The following CAPRIN2 variants were observed in gnomAD, a reference collection of about 807,000 sequenced individuals.
The protein encoded by CAPRIN2 is caprin family member 2, also known as caprin-2.
In CAPRIN2, 66 loss-of-function variants were observed where a neutral mutation model predicts 130.4. The ratio of observed to expected loss-of-function variants is 0.51; its 90% CI spans 0.42 to 0.62. The LOEUF (loss-of-function observed/expected upper bound fraction) is 0.62, where lower values mean the gene tolerates loss of function less well. Ranked by LOEUF, CAPRIN2 falls within the 20% of genes least tolerant of loss-of-function variation. CAPRIN2 has a pLI of 0.00. For missense variants in CAPRIN2, 1,185 were observed against 1,246.6 expected (o/e 0.95, Z 0.74); for synonymous variants, 471 against 444.1 (o/e 1.06, Z -0.76).
intron 12 of CAPRIN2, chr12:30,719,081 T>C: frequency 6.2e-7 from 1 of 1,613,292 alleles, no homozygotes; most frequent in African/African-American, 1.3e-5. Flanking sequence ...ATACTCACTG[T>C]CTGCATGGCT....
Position 30,710,861 on chromosome 12 carries a change from T to C in CAPRIN2, c.2666-391A>G, listed in dbSNP as rs979330790. 1.3e-5 allele frequency among the ~76,000 whole-genome samples: 2 copies of C among 152,170 alleles called. No individual in the cohort carries two copies. Among genetic ancestry groups the C allele is most frequent in the Non-Finnish European group, 2.9e-5 (2 of 68,018 alleles). Reference sequence around the variant, plus strand: ...TAGAAGGTCTCAAGAAAATGGAGACTACATAAAAGAACCAATTTTTAGAAC... The same window carrying C: ...TAGAAGGTCTCAAGAAAATGGAGACCACATAAAAGAACCAATTTTTAGAAC... On this transcript the variant is annotated intron_variant, in intron 16 of 16. Coordinates refer to ENST00000298892, the Ensembl canonical transcript of CAPRIN2. The surrounding 1 kb of genome is among the most constrained non-coding windows in gnomAD (Gnocchi z 4.8).
chr12:30,740,287 T>A (rs2066831048), intron 3 of CAPRIN2, among the ~76,000 whole-genome samples: 2 of 150,922 alleles, frequency 1.3e-5, no homozygotes, highest in African/African-American at 4.9e-5. Flanking sequence ...AATAAAAAAA[T>A]ATAAATTTTT....
intron 1 of CAPRIN2, among the ~76,000 whole-genome samples, chr12:30,752,110 C>A (rs776143812): frequency 2.5e-4 from 38 of 151,626 alleles, no homozygotes; most frequent in Non-Finnish European, 3.7e-4. Flanking sequence ...TTAGTAGAGA[C>A]GGGGTTTCAT....
rs533240497 is a variant in CAPRIN2, at chr12:30,733,804, A to G, written c.810-93T>C. 90 of 804,404 alleles carry G rather than the reference A, an allele frequency of 1.1e-4. 1 individual carries two copies. In the South Asian group the frequency reaches 1.4e-3, roughly 12 times the overall value. The allele number at this position is 804,404 out of a possible 1,614,324, so 49.8% of individuals were successfully genotyped here. A position where few individuals can be genotyped will look rare whatever the true frequency, so the allele number is the denominator to read the frequency against. On this transcript the variant is annotated intron_variant, in intron 4 of 16. Coordinates refer to ENST00000298892, the Ensembl canonical transcript of CAPRIN2. Reference sequence around the variant, plus strand: ...TATGCAATATAACCCATTAACAGACAAGACATTCAAATGTTAATTTTGTCT... The same window carrying G: ...TATGCAATATAACCCATTAACAGACGAGACATTCAAATGTTAATTTTGTCT...
At chr12:30,712,178 A>C (rs536195526) in intron 15 of CAPRIN2, among the ~76,000 whole-genome samples, 118 of 152,298 alleles carry the variant, frequency 7.7e-4, no homozygotes, top group African/African-American at 2.7e-3. Flanking sequence ...TACTTCAAAC[A>C]AACTCAAGTA....
At chr12:30,751,909 A>ATT (rs574883707) in intron 1 of CAPRIN2, among the ~76,000 whole-genome samples, 16 of 87,868 alleles carry the variant, frequency 1.8e-4, no homozygotes, top group Non-Finnish European at 2.5e-4. Context: ...CCACTATGGT[A>ATT]TTTTTTTTTT....
chr12:30,728,840 G>A (rs1317928428), exon 8 of CAPRIN2: 2 of 1,613,970 alleles, frequency 1.2e-6, no homozygotes, highest in Non-Finnish European at 1.7e-6. Context: ...ACATGGGAGT[G>A]GTCCATGACT....
chr12:30,728,864 T>A lies in CAPRIN2; in HGVS notation c.1566A>T (p.Glu522Asp), dbSNP rs774650002. 3 of 1,614,144 alleles carry A rather than the reference T, an allele frequency of 1.9e-6. No individual in the cohort carries two copies. The South Asian group carries it at 3.3e-5, about 18-fold the overall frequency. Residue 522 changes from glutamate to aspartate, a missense_variant, in exon 8 of 17, where the codon GAA (glutamate) becomes GAT (aspartate). Glu to Asp is a conservative substitution (Grantham distance 45, BLOSUM62 2). This residue lies in a region of CAPRIN2 where 1,104 missense variants were observed against 1,104.3 expected (regional missense o/e 1.00). Transcript: ENST00000298892. ...TGGTCCATGACTTGGTGGTGTTCTG[T>A]TCGCTCTGCATGGAAGGTGTCCAAG...
chr12:30,718,309 GT>G (rs1436808158), intron 12 of CAPRIN2, among the ~76,000 whole-genome samples: 1 of 152,196 alleles, frequency 6.6e-6, no homozygotes, highest in African/African-American at 2.4e-5. Flanking sequence ...GATATTCTAA[GT>G]GATCAGGTGA....
intron 1 of CAPRIN2, chr12:30,751,728 G>C (rs773409119): frequency 6.6e-6 from 1 of 152,066 alleles, no homozygotes; most frequent in Non-Finnish European, 1.5e-5. Flanking sequence ...GAATTATGTG[G>C]CATTTTCCTA....
chr12:30,710,340 G>A lies in CAPRIN2; in HGVS notation c.2796C>T (p.Ala932=). Residue 932 remains alanine, a synonymous_variant, in exon 17 of 17, where the codon GCC becomes GCT. Transcript: ENST00000298892. The surrounding 1 kb of genome is among the most constrained non-coding windows in gnomAD (Gnocchi z 4.8). ...GGTAGACGTGTACTGGCAGTATGGT[G>A]GCTGCTGGATTTGTCACTGGCACAT... is the stretch of plus-strand genomic sequence containing the variant. 6.2e-7 allele frequency: 1 copy of A among 1,614,140 alleles called. No homozygotes were observed. The highest frequency in any genetic ancestry group is 8.5e-7 in the Non-Finnish European group (1 of 1,180,020).
chr12:30,747,638 T>C (rs1203951229), intron 2 of CAPRIN2, among the ~76,000 whole-genome samples: 2 of 151,598 alleles, frequency 1.3e-5, no homozygotes. Context: ...GATCGTGCCA[T>C]TGTACTCCAG....
chr12:30,744,797 C>T (rs2069153526), intron 2 of CAPRIN2, among the ~76,000 whole-genome samples: 1 of 152,092 alleles, frequency 6.6e-6, no homozygotes, highest in African/African-American at 2.4e-5. Flanking sequence ...GGTATTATAA[C>T]CCTAATATTA....
At chr12:30,730,368 T>C (rs1425623805) in intron 6 of CAPRIN2, 86 bp from the exon 8 acceptor site, 12 of 944,776 alleles carry the variant, frequency 1.3e-5, no homozygotes, top group Non-Finnish European at 2.1e-5. Flanking sequence ...TCTAGCAACA[T>C]ATTTCAGAAG....
intron 3 of CAPRIN2, among the ~76,000 whole-genome samples, chr12:30,737,068 A>T (rs1317481880): frequency 6.6e-6 from 1 of 152,052 alleles, no homozygotes; most frequent in African/African-American, 2.4e-5. Context: ...GCAGTGGCAC[A>T]GTCAAGGTTC....
intron 3 of CAPRIN2, among the ~76,000 whole-genome samples, chr12:30,738,060 A>G (rs138574123): frequency 2.2e-3 from 337 of 152,306 alleles, no homozygotes; most frequent in African/African-American, 7.7e-3. Flanking sequence ...ACTGGCTATC[A>G]TAGAACATGT....
intron 1 of CAPRIN2, among the ~76,000 whole-genome samples, chr12:30,752,687 T>C (rs1171158430): frequency 3.3e-5 from 5 of 151,542 alleles, no homozygotes; most frequent in Non-Finnish European, 7.4e-5. Context: ...TAACAACACA[T>C]AGGTCCAGAT....
Position 30,711,662 on chromosome 12 carries a change from C to T in CAPRIN2, c.2602-33G>A, listed in dbSNP as rs7962702. On this transcript the variant is annotated intron_variant, in intron 15 of 16. Transcript: ENST00000298892. Reference sequence around the variant, plus strand: ...GAACATATAATATTTACCTTGGCATCAAAAATGCAGGACTATAATTGGTTA... The same window carrying T: ...GAACATATAATATTTACCTTGGCATTAAAAATGCAGGACTATAATTGGTTA... 8.9e-3 allele frequency: 13,906 copies of T among 1,556,036 alleles called. 1,005 individuals are homozygous for T. The African/African-American group carries it at 0.16, about 18-fold the overall frequency.
chr12:30,720,903 G>T (rs764134238), exon 12 of CAPRIN2: 15 of 1,611,182 alleles, frequency 9.3e-6, no homozygotes, highest in Non-Finnish European at 1.2e-5. Context: ...CAAGTAACTG[G>T]AGAAGAAGTA....
Sources: gnomAD v4.1 joint callset for allele counts (sites outside exome capture counted in the v4.1 genomes callset) on GRCh38, gnomAD v4.1.1 for gene constraint, gnomAD v4.1.1 regional missense constraint, Gnocchi (gnomAD v3.1) non-coding constraint, MANE v1.5 for transcripts, NCBI Gene and HGNC (gene_info 2026-07-23, HGNC 2026-07-21) for gene names.